The following AAK1 variants were observed in gnomAD, a reference collection of about 807,000 sequenced individuals.
AAK1 encodes the protein AP2-associated protein kinase 1.
Under a neutral mutation model 116.0 loss-of-function variants are expected in AAK1, and 37 were observed. That is an observed-to-expected ratio of 0.32 (90% CI 0.25 to 0.42). The LOEUF is 0.42. AAK1 is among the 10% of genes least tolerant of loss of function. The pLI, the probability that AAK1 is intolerant of heterozygous loss-of-function variation, is 1.00. For synonymous variants in AAK1, 458 were observed against 439.9 expected (o/e 1.04, Z -0.51); for missense variants, 919 against 1,170.6 (o/e 0.79, Z 3.14).
At chr2:69,625,539 T>A (rs1674858094) in intron 2 of AAK1, among the ~76,000 whole-genome samples, 1 of 152,194 alleles carries the variant, frequency 6.6e-6, no homozygotes, top group Non-Finnish European at 1.5e-5. Context: ...GTCCTCATTT[T>A]ACACATAGGG....
intron 5 of AAK1, among the ~76,000 whole-genome samples, chr2:69,533,397 T>C (rs561529290): frequency 6.6e-6 from 1 of 152,366 alleles, no homozygotes; most frequent in East Asian, 1.9e-4. Flanking sequence ...ACTGTACTAC[T>C]ACTGATTCTT....
Position 69,643,707 on chromosome 2 carries a change from G to C in AAK1, c.-367C>G. On this transcript the variant is annotated 5_prime_UTR_variant, in exon 1 of 22. Coordinates refer to ENST00000409085, the MANE Select transcript of AAK1 (RefSeq NM_014911.5). ...GGCCGCGCTCGGCTCCCGCCCGCCC[G>C]CCAGCTGATCCCGGGAGCGCCGGGC... 1 of 1,216,090 alleles carries C rather than the reference G, an allele frequency of 8.2e-7. No homozygotes were observed. The highest frequency in any genetic ancestry group is 1.0e-6 in the Non-Finnish European group (1 of 978,026). The allele number at this position is 1,216,090 out of a possible 1,614,324, so 75.3% of individuals were successfully genotyped here.
chr2:69,542,698 T>C (rs1336529833), intron 4 of AAK1, 33 bp from the exon 5 acceptor site: 1 of 1,606,616 alleles, frequency 6.2e-7, no homozygotes, highest in African/African-American at 1.3e-5. Flanking sequence ...AAGGAGACGT[T>C]ATAAACATTC....
At chr2:69,601,331 T>C (rs1397672700) in intron 2 of AAK1, among the ~76,000 whole-genome samples, 2 of 152,244 alleles carry the variant, frequency 1.3e-5, no homozygotes, top group Non-Finnish European at 2.9e-5. Context: ...GCTGTGTAAC[T>C]GGGCTCAGTA....
At chr2:69,542,737 A>C in intron 4 of AAK1, 72 bp from the exon 5 acceptor site, 8 of 1,539,118 alleles carry the variant, frequency 5.2e-6, no homozygotes, top group Non-Finnish European at 7.1e-6. Context: ...AAGAGAATGA[A>C]CGGCGTCCAA....
chr2:69,592,882 C>G (rs1376475281), intron 2 of AAK1, among the ~76,000 whole-genome samples: 2 of 152,118 alleles, frequency 1.3e-5, no homozygotes, highest in Non-Finnish European at 2.9e-5. Flanking sequence ...GCTCATCATG[C>G]CTGTGTTCTA....
At chr2:69,503,769 C>G (rs1225778569) in intron 16 of AAK1, among the ~76,000 whole-genome samples, 1 of 152,196 alleles carries the variant, frequency 6.6e-6, no homozygotes, top group Non-Finnish European at 1.5e-5. Flanking sequence ...GATCTGCCCA[C>G]CTCGGCCTCT....
chr2:69,587,875 A>G (rs879256056), intron 2 of AAK1, among the ~76,000 whole-genome samples: 2 of 151,826 alleles, frequency 1.3e-5, no homozygotes, highest in Admixed American at 1.3e-4. Flanking sequence ...GCCTCCCAAA[A>G]TGTTGGGAGT....
intron 2 of AAK1, among the ~76,000 whole-genome samples, chr2:69,559,153 T>C (rs1350198053): frequency 3.3e-5 from 5 of 152,132 alleles, no homozygotes; most frequent in African/African-American, 1.2e-4. Context: ...AAATTTATCA[T>C]ATAATCTTTA....
Position 69,520,823 on chromosome 2 carries a change from T to C in AAK1, c.1210+11A>G. 3.9e-6 allele frequency: 6 copies of C among 1,535,836 alleles called. No individual in the cohort carries two copies. Among genetic ancestry groups the C allele is most frequent in the Middle Eastern group, 1.8e-4 (1 of 5,668 alleles). On this transcript the variant is annotated intron_variant, in intron 11 of 21. Transcript: ENST00000409085. Reference sequence around the variant, plus strand: ...AGGTGTATTGAGTTTCAAACCAATCTAGATACAAACCTGCAGCCTGAGGTG... The same window carrying C: ...AGGTGTATTGAGTTTCAAACCAATCCAGATACAAACCTGCAGCCTGAGGTG...
Position 69,474,460 on chromosome 2 carries a change from T to C in AAK1, c.*1409A>G, listed in dbSNP as rs901217528. ...ATATAGAGAGGGTGACCATGAGGCA[T>C]GTTGTCATGTTAGTGCAGGGGCCTT... is the stretch of plus-strand genomic sequence containing the variant. On this transcript the variant is annotated 3_prime_UTR_variant, in exon 22 of 22. Transcript: ENST00000409085. 2.0e-6 allele frequency: 2 copies of C among 985,664 alleles called. No individual in the cohort carries two copies. Among genetic ancestry groups the C allele is most frequent in the African/African-American group, 1.7e-5 (1 of 57,348 alleles). The allele number at this position is 985,664 out of a possible 1,614,324, so 61.1% of individuals were successfully genotyped here. A position where few individuals can be genotyped will look rare whatever the true frequency, so the allele number is the denominator to read the frequency against.
chr2:69,575,238 G>A (rs1015986478), intron 2 of AAK1, among the ~76,000 whole-genome samples: 4 of 151,810 alleles, frequency 2.6e-5, no homozygotes, highest in African/African-American at 4.8e-5. Flanking sequence ...AAGAAGGACC[G>A]GGAGCACACT....
chr2:69,571,307 T>C (rs938970844), intron 2 of AAK1, among the ~76,000 whole-genome samples: 2 of 152,216 alleles, frequency 1.3e-5, no homozygotes, highest in Admixed American at 6.5e-5. Flanking sequence ...CAAATGGTGC[T>C]ACACAACCAT....
intron 3 of AAK1, among the ~76,000 whole-genome samples, chr2:69,547,725 G>A (rs1005572304): frequency 1.6e-4 from 25 of 152,280 alleles, no homozygotes; most frequent in African/African-American, 6.0e-4. Context: ...GTTATCATAT[G>A]ACCTAGCAAT....
intron 14 of AAK1, among the ~76,000 whole-genome samples, chr2:69,508,915 G>A (rs1035145612): frequency 1.3e-5 from 2 of 152,182 alleles, no homozygotes; most frequent in African/African-American, 2.4e-5. Flanking sequence ...CGGTCAGATC[G>A]AGAGTTCAGA....
intron 2 of AAK1, among the ~76,000 whole-genome samples, chr2:69,580,502 G>C (rs1187581741): frequency 6.6e-6 from 1 of 152,126 alleles, no homozygotes; most frequent in Admixed American, 6.5e-5. Context: ...AAGTCTATCT[G>C]CATTAAAAAA....
Position 69,469,547 on chromosome 2 carries a change from C to T in AAK1, c.*6322G>A, listed in dbSNP as rs1447280430. ...GATTTATACTAACCTAACCACATGC[C>T]TTGACCCAGTTCCTTTGGTAACCAA... is the stretch of plus-strand genomic sequence containing the variant. On this transcript the variant is annotated 3_prime_UTR_variant, in exon 22 of 22. Transcript: ENST00000409085. 5 of 985,294 alleles carry T rather than the reference C, an allele frequency of 5.1e-6. No individual in the cohort carries two copies. Among genetic ancestry groups the T allele is most frequent in the Non-Finnish European group, 6.0e-6 (5 of 829,946 alleles). The allele number at this position is 985,294 out of a possible 1,614,324, so 61.0% of individuals were successfully genotyped here.
chr2:69,483,630 C>G (rs979283677), intron 17 of AAK1, among the ~76,000 whole-genome samples: 1 of 152,080 alleles, frequency 6.6e-6, no homozygotes, highest in African/African-American at 2.4e-5. Context: ...TATTTAGAAA[C>G]AGTTTATAAC....
chr2:69,484,302 C>G (rs376674200), intron 17 of AAK1, among the ~76,000 whole-genome samples: 8 of 152,136 alleles, frequency 5.3e-5, no homozygotes, highest in African/African-American at 1.9e-4. Flanking sequence ...TTTAGGTGAT[C>G]TGTAACTACA....
Sources: gnomAD v4.1 joint callset for allele counts (sites outside exome capture counted in the v4.1 genomes callset) on GRCh38, gnomAD v4.1.1 for gene constraint, MANE v1.5 for transcripts, NCBI Gene and HGNC (gene_info 2026-07-23, HGNC 2026-07-21) for gene names.